ADAMTS14: variants seen among roughly 807,000 people sequenced by gnomAD.
The protein encoded by ADAMTS14 is ADAM metallopeptidase with thrombospondin type 1 motif 14.
In ADAMTS14, 100 loss-of-function variants were observed where a neutral mutation model predicts 128.6. That is an observed-to-expected ratio of 0.78 (90% CI 0.66 to 0.92). The LOEUF (loss-of-function observed/expected upper bound fraction) is 0.92. ADAMTS14 is among the 40% of genes least tolerant of loss of function. The pLI is 0.00. For missense variants in ADAMTS14, 1,562 were observed against 1,658.6 expected (o/e 0.94, Z 1.01); for synonymous variants, 665 against 653.8 (o/e 1.02, Z -0.26).
In ADAMTS14 at chr10:70,761,095, C is replaced by A; in HGVS notation, c.*242C>A. ...AGCTGCCCCCGGCGGGACTGACCCT[C>A]TCAGGGCCCCTGTTGGTCTCCCCTG... is the stretch of plus-strand genomic sequence containing the variant. On this transcript the variant is annotated 3_prime_UTR_variant, in exon 22 of 22. Coordinates refer to ENST00000373207, the MANE Select transcript of ADAMTS14 (RefSeq NM_080722.4). 2 of 511,344 alleles carry A rather than the reference C, an allele frequency of 3.9e-6. No homozygotes were observed. The highest frequency in any genetic ancestry group is 6.6e-6 in the Non-Finnish European group (2 of 304,824). 31.7% of individuals were successfully genotyped at this position (511,344 alleles called of 1,614,324 possible).
At chr10:70,713,384 A>G (rs1023064945) in intron 4 of ADAMTS14, among the ~76,000 whole-genome samples, 3 of 152,206 alleles carry the variant, frequency 2.0e-5, no homozygotes, top group African/African-American at 7.2e-5. Context: ...TGACAGATCC[A>G]GCTCACACTA....
chr10:70,750,035 C>G, intron 16 of ADAMTS14, 50 bp downstream of exon 16: 1 of 1,595,866 alleles, frequency 6.3e-7, no homozygotes, highest in Non-Finnish European at 8.6e-7. Flanking sequence ...CACTTGTCCC[C>G]TTAGCTCGCT....
At chr10:70,673,033 C>A in intron 1 of ADAMTS14, 149 bp downstream of exon 1, 1 of 1,189,876 alleles carries the variant, frequency 8.4e-7, no homozygotes, top group Non-Finnish European at 1.1e-6. Flanking sequence ...TTTTCTTCCA[C>A]TGTGCCACGG....
chr10:70,685,420 T>C (rs1319230025), intron 2 of ADAMTS14, among the ~76,000 whole-genome samples: 1 of 152,180 alleles, frequency 6.6e-6, no homozygotes, highest in African/African-American at 2.4e-5. Context: ...CAGATACCCT[T>C]GTGTTATGAA....
chr10:70,699,524 C>T (rs1840432614), intron 2 of ADAMTS14, among the ~76,000 whole-genome samples: 1 of 152,070 alleles, frequency 6.6e-6, no homozygotes, highest in Admixed American at 6.5e-5. Context: ...GGTCTCCTAA[C>T]TGGGGAGGTT....
intron 4 of ADAMTS14, among the ~76,000 whole-genome samples, chr10:70,711,770 T>C (rs1397904381): frequency 6.6e-6 from 1 of 151,870 alleles, no homozygotes; most frequent in Non-Finnish European, 1.5e-5. Context: ...TGAGAGGTGA[T>C]TGGTAAACGT....
At chr10:70,752,780 C>T (rs760090915) in intron 18 of ADAMTS14, among the ~76,000 whole-genome samples, 8 of 152,194 alleles carry the variant, frequency 5.3e-5, no homozygotes, top group African/African-American at 1.7e-4. Context: ...GCCTGGGTCT[C>T]GTCAGCTTCT....
intron 15 of ADAMTS14, among the ~76,000 whole-genome samples, chr10:70,745,768 C>T (rs149034872): frequency 7.3e-4 from 111 of 152,252 alleles, no homozygotes; most frequent in African/African-American, 2.6e-3. Flanking sequence ...GGTTCTTCTA[C>T]TTGTCTTCTT....
intron 2 of ADAMTS14, among the ~76,000 whole-genome samples, chr10:70,685,028 C>T (rs1442955827): frequency 1.3e-5 from 2 of 152,260 alleles, no homozygotes; most frequent in Non-Finnish European, 2.9e-5. Flanking sequence ...CGGAGCAGAG[C>T]CGGCCTCCCA....
chr10:70,752,325 A>G, intron 18 of ADAMTS14, 98 bp downstream of exon 18: 2 of 1,502,608 alleles, frequency 1.3e-6, no homozygotes, highest in South Asian at 2.6e-5. Context: ...GCACTGGGTT[A>G]TGGAGACACG....
intron 2 of ADAMTS14, among the ~76,000 whole-genome samples, chr10:70,677,059 T>G (rs1337533249): frequency 6.6e-6 from 1 of 152,042 alleles, no homozygotes; most frequent in Admixed American, 6.6e-5. Context: ...CCCCTTTGCA[T>G]CCTGAAAACC....
chr10:70,703,988 A>C (rs969517093), intron 3 of ADAMTS14, among the ~76,000 whole-genome samples: 2 of 152,192 alleles, frequency 1.3e-5, no homozygotes, highest in Non-Finnish European at 2.9e-5. Context: ...CAGTGTGGGG[A>C]GAAGCATTTC....
At chr10:70,677,787 C>G (rs757428778) in intron 2 of ADAMTS14, among the ~76,000 whole-genome samples, 34 of 152,308 alleles carry the variant, frequency 2.2e-4, no homozygotes, top group Middle Eastern at 3.4e-3. Context: ...ACTTTCCGCC[C>G]ACTCCAGGAA....
chr10:70,745,382 G>C (rs778011440), intron 15 of ADAMTS14, 76 bp downstream of exon 15: 2 of 1,470,330 alleles, frequency 1.4e-6, no homozygotes, highest in Non-Finnish European at 1.9e-6. Context: ...TGGGAGACCA[G>C]AGGACAAGAT....
intron 11 of ADAMTS14, among the ~76,000 whole-genome samples, chr10:70,740,230 C>CAGA (rs1012381377): frequency 6.6e-6 from 1 of 152,178 alleles, no homozygotes; most frequent in African/African-American, 2.4e-5. Flanking sequence ...ATGCTAAGCA[C>CAGA]TTAGGTACAA....
At position 70,740,980 on chromosome 10, in the gene ADAMTS14, G is replaced by A. The variant is rs763768393; in HGVS notation, c.1749-7G>A. On this transcript the variant is annotated splice_polypyrimidine_tract_variant and splice_region_variant and intron_variant, in intron 11 of 21. Transcript: ENST00000373207. Reference sequence around the variant, plus strand: ...CAAGGTCATCCATTTCTCTGTGTCTGTCCCAGCCCAGCCTATGGAGGCCGC... The same window carrying A: ...CAAGGTCATCCATTTCTCTGTGTCTATCCCAGCCCAGCCTATGGAGGCCGC... 2 of 1,613,558 alleles carry A rather than the reference G, an allele frequency of 1.2e-6. No homozygotes were observed. The highest frequency in any genetic ancestry group is 1.1e-5 in the South Asian group (1 of 91,058).
rs114054777 is a variant in ADAMTS14, at chr10:70,675,548, C to T, written c.522+553C>T. ...GCTATTATGTCTTGTAACATTGCGA[C>T]GTCGTGTCCTTCCTCTTCTCCTCCC... On this transcript the variant is annotated intron_variant, in intron 2 of 21. Coordinates refer to ENST00000373207, the MANE Select transcript of ADAMTS14 (RefSeq NM_080722.4). Among the ~76,000 whole-genome samples the T allele has an allele frequency of 6.1e-3, 935 of 152,246 alleles. 9 individuals are homozygous for T. The highest frequency in any genetic ancestry group is 0.021 in the African/African-American group (870 of 41,548).
Position 70,761,147 on chromosome 10 carries a change from C to T in ADAMTS14, c.*294C>T, listed in dbSNP as rs920426439. ...CAAGACCAGGGTCAACTATTGCTCCCTCCTCACAGACCCTGGGCCTGGGCA... is the reference window on the plus strand; with the variant it reads ...CAAGACCAGGGTCAACTATTGCTCCTTCCTCACAGACCCTGGGCCTGGGCA... On this transcript the variant is annotated 3_prime_UTR_variant, in exon 22 of 22. Coordinates refer to ENST00000373207, the MANE Select transcript of ADAMTS14 (RefSeq NM_080722.4). The T allele has an allele frequency of 3.2e-5, 11 of 338,814 alleles. No individual in the cohort carries two copies. Among genetic ancestry groups the T allele is most frequent in the African/African-American group, 2.1e-4 (10 of 48,246 alleles). The allele number at this position is 338,814 out of a possible 1,614,324, so 21.0% of individuals were successfully genotyped here.
intron 2 of ADAMTS14, among the ~76,000 whole-genome samples, chr10:70,685,911 T>C (rs1402704542): frequency 6.6e-6 from 1 of 152,178 alleles, no homozygotes; most frequent in Non-Finnish European, 1.5e-5. Flanking sequence ...CGTGTCATTG[T>C]CTTCTCTGAA....
Sources: allele counts gnomAD v4.1 joint callset (sites outside exome capture counted in the v4.1 genomes callset), GRCh38; gene constraint gnomAD v4.1.1; transcripts MANE v1.5; gene names NCBI Gene and HGNC (gene_info 2026-07-23, HGNC 2026-07-21).